Variants in PDE4B observed in about 807,000 individuals in gnomAD.
PDE4B encodes the protein 3',5'-cyclic-AMP phosphodiesterase 4B.
In PDE4B, 20 loss-of-function variants were observed where a neutral mutation model predicts 82.2. That is an observed-to-expected ratio of 0.24 (90% CI 0.17 to 0.35). PDE4B has a LOEUF of 0.35. Ranked by LOEUF, PDE4B falls within the 10% of genes least tolerant of loss-of-function variation. PDE4B has a pLI of 1.00. For synonymous variants in PDE4B, 320 were observed against 318.9 expected (o/e 1.00, Z -0.04); for missense variants, 655 against 907.2 (o/e 0.72, Z 3.57).
At chr1:66,053,546 G>T (rs766876987) in intron 3 of PDE4B, among the ~76,000 whole-genome samples, 5 of 152,132 alleles carry the variant, frequency 3.3e-5, no homozygotes. Context: ...CCTGGCCAAG[G>T]TCACACAGTG....
At chr1:65,806,999 TTACTCTTC>T (rs1557756817) in intron 1 of PDE4B, among the ~76,000 whole-genome samples, 1 of 152,224 alleles carries the variant, frequency 6.6e-6, no homozygotes, top group African/African-American at 2.4e-5. Context: ...CTGTGTATAG[TTACTCTTC>T]TACTGTGTAC....
intron 3 of PDE4B, among the ~76,000 whole-genome samples, chr1:66,137,411 A>G (rs762369874): frequency 2.0e-5 from 3 of 152,204 alleles, no homozygotes; most frequent in Non-Finnish European, 2.9e-5. Flanking sequence ...AAGCTGAATG[A>G]GATCATGTCT....
chr1:66,301,381 TTTG>T (rs2101838657), intron 7 of PDE4B, among the ~76,000 whole-genome samples: 1 of 152,078 alleles, frequency 6.6e-6, no homozygotes, highest in South Asian at 2.1e-4. Context: ...TCACTTTCAT[TTTG>T]TTGTTGTCAT....
intron 3 of PDE4B, among the ~76,000 whole-genome samples, chr1:66,132,075 G>A (rs1256984134): frequency 6.6e-6 from 1 of 152,176 alleles, no homozygotes; most frequent in Admixed American, 6.5e-5. Flanking sequence ...TTGTGGGCTA[G>A]GAAAGAGAAT....
At chr1:66,125,385 A>G (rs1247418030) in intron 3 of PDE4B, among the ~76,000 whole-genome samples, 1 of 152,012 alleles carries the variant, frequency 6.6e-6, no homozygotes, top group East Asian at 1.9e-4. Flanking sequence ...GCTGGTCTCA[A>G]ACACCTGACA....
At chr1:65,964,700 G>A (rs1482758270) in intron 3 of PDE4B, among the ~76,000 whole-genome samples, 1 of 152,154 alleles carries the variant, frequency 6.6e-6, no homozygotes, top group African/African-American at 2.4e-5. Context: ...TGGACAGATA[G>A]TGAACTGCTA....
At chr1:66,242,607 A>G (rs527480733) in intron 3 of PDE4B, among the ~76,000 whole-genome samples, 1 of 152,348 alleles carries the variant, frequency 6.6e-6, no homozygotes, top group South Asian at 2.1e-4. Flanking sequence ...ATTGGGGATC[A>G]GGAAACAACC....
intron 1 of PDE4B, among the ~76,000 whole-genome samples, chr1:65,888,900 A>T (rs754420549): frequency 8.5e-5 from 13 of 152,104 alleles, no homozygotes; most frequent in Non-Finnish European, 1.9e-4. Context: ...TCTGCAAAGA[A>T]GGGCAATTTG....
intron 3 of PDE4B, among the ~76,000 whole-genome samples, chr1:66,053,786 G>A (rs1041894683): frequency 6.6e-6 from 1 of 152,138 alleles, no homozygotes; most frequent in Non-Finnish European, 1.5e-5. Context: ...TTGAACCCAG[G>A]AGGCAGAAGT....
chr1:66,350,879 A>G (rs1661769331), intron 8 of PDE4B, among the ~76,000 whole-genome samples: 1 of 152,234 alleles, frequency 6.6e-6, no homozygotes, highest in Non-Finnish European at 1.5e-5. Context: ...AATTGAAGCC[A>G]TCAAACAAAA....
chr1:66,277,458 C>A lies in PDE4B; in HGVS notation c.634+11371C>A, dbSNP rs112657800. On this transcript the variant is annotated intron_variant, in intron 7 of 16. Coordinates refer to ENST00000341517, the MANE Select transcript of PDE4B (RefSeq NM_002600.4). ...TTGTCCAGGCTGGAGTGCAGTGGCA[C>A]GATCTCAGCTCACCACAACCTCCAC... is the stretch of plus-strand genomic sequence containing the variant. Among the ~76,000 whole-genome samples the A allele has an allele frequency of 3.3e-5, 5 of 152,190 alleles. No homozygotes were observed. The East Asian group carries it at 9.7e-4, about 29-fold the overall frequency.
chr1:65,990,064 A>G (rs905534134), intron 3 of PDE4B, among the ~76,000 whole-genome samples: 1 of 152,104 alleles, frequency 6.6e-6, no homozygotes, highest in African/African-American at 2.4e-5. Flanking sequence ...TAGAGTAGGT[A>G]GAATTAACAG....
Position 65,998,838 on chromosome 1 carries a change from T to C in PDE4B, c.281+80003T>C, listed in dbSNP as rs535136876. On this transcript the variant is annotated intron_variant, in intron 3 of 16. Transcript: ENST00000341517. ...CCTAATTTACTAGAGGTGCTTTGTA[T>C]TTTACTTTAAGTGCAGACTCCTAGT... is the stretch of plus-strand genomic sequence containing the variant. Among the ~76,000 whole-genome samples, 10 of 151,766 alleles carry C rather than the reference T, an allele frequency of 6.6e-5. No homozygotes were observed. In the South Asian group the frequency reaches 1.5e-3, roughly 22 times the overall value.
At chr1:66,102,781 C>T (rs948461757) in intron 3 of PDE4B, among the ~76,000 whole-genome samples, 1 of 152,008 alleles carries the variant, frequency 6.6e-6, no homozygotes, top group African/African-American at 2.4e-5. Flanking sequence ...CAGTACAGGA[C>T]TTTATCAATG....
intron 1 of PDE4B, among the ~76,000 whole-genome samples, chr1:65,840,858 G>T (rs1646199175): frequency 6.6e-6 from 1 of 152,170 alleles, no homozygotes; most frequent in African/African-American, 2.4e-5. Flanking sequence ...AATGTTTGTT[G>T]TTAGACTGAA....
In PDE4B at chr1:65,865,748, C is replaced by T. The variant is rs866777609; in HGVS notation, c.-70-47497C>T. Among the ~76,000 whole-genome samples, 5 of 152,130 alleles carry T rather than the reference C, an allele frequency of 3.3e-5. No homozygotes were observed. In the South Asian group the frequency reaches 8.3e-4, roughly 25 times the overall value. On this transcript the variant is annotated intron_variant, in intron 1 of 16. Coordinates refer to ENST00000341517, the MANE Select transcript of PDE4B (RefSeq NM_002600.4). ...CAGTCCCAATGAGATGAACTGGGTA[C>T]CTCAGTTGGAAATGCAGAAATCACG...
At chr1:66,332,080 T>G in intron 7 of PDE4B, 1 of 1,133,152 alleles carries the variant, frequency 8.8e-7, no homozygotes, top group East Asian at 4.9e-5. Flanking sequence ...TCATTTCTCC[T>G]TGAGATGGCA....
At chr1:66,280,064 C>T (rs1421029521) in intron 7 of PDE4B, among the ~76,000 whole-genome samples, 1 of 152,204 alleles carries the variant, frequency 6.6e-6, no homozygotes, top group African/African-American at 2.4e-5. Flanking sequence ...TGGAATTAGA[C>T]TGGAATTATG....
chr1:66,235,590 A>G (rs1652344718), intron 3 of PDE4B, among the ~76,000 whole-genome samples: 1 of 151,984 alleles, frequency 6.6e-6, no homozygotes, highest in South Asian at 2.1e-4. Flanking sequence ...GTGTCTTTAT[A>G]TTTAAAGTGA....
Sources: allele counts gnomAD v4.1 joint callset (sites outside exome capture counted in the v4.1 genomes callset), GRCh38; gene constraint gnomAD v4.1.1; transcripts MANE v1.5; gene names NCBI Gene and HGNC (gene_info 2026-07-23, HGNC 2026-07-21).